The following SDK2 variants were observed in gnomAD, a reference collection of about 807,000 sequenced individuals.
SDK2 encodes the protein protein sidekick-2.
In SDK2, 105 loss-of-function variants were observed where a neutral mutation model predicts 253.9. The observed-to-expected ratio is 0.41, with a 90% CI of 0.35 to 0.49. The LOEUF is 0.49. Among genes scored for constraint, SDK2 ranks in the 20% least tolerant of loss-of-function variants. SDK2 has a pLI of 0.06. For synonymous variants in SDK2, 1,249 were observed against 1,234.9 expected (o/e 1.01, Z -0.24); for missense variants, 2,608 against 3,003.0 (o/e 0.87, Z 3.07).
rs763869312 is a variant in SDK2, at chr17:73,384,010, G to A, written c.4571C>T (p.Pro1524Leu). The change falls in exon 33 of 45, where the codon CCG becomes CTG. Residue 1524 changes from proline to leucine, a missense_variant and splice_region_variant. This residue lies in a region of SDK2 where 1,103 missense variants were observed against 1,143.9 expected (regional missense o/e 0.96). Coordinates refer to ENST00000392650, the MANE Select transcript of SDK2 (RefSeq NM_001144952.2). ...GCCATTGATCTTGTCCTCTGCTGGC[G>A]GCTGCAGGAAGGGAGTAGGGCATGG... Reference protein sequence around the residue: ...TTTSVLIRWQPPAEDKINGIL... With the variant: ...TTTSVLIRWQLPAEDKINGIL... 3.1e-5 allele frequency: 50 copies of A among 1,613,238 alleles called. No individual in the cohort carries two copies. The highest frequency in any genetic ancestry group is 8.9e-5 in the East Asian group (4 of 44,860).
At chr17:73,360,182 C>G (rs988667832) in intron 39 of SDK2, among the ~76,000 whole-genome samples, 6 of 152,184 alleles carry the variant, frequency 3.9e-5, no homozygotes, top group African/African-American at 1.4e-4. Context: ...CAGCGCGGGG[C>G]GGGGCTGGAG....
rs191919870 is a variant in SDK2, at chr17:73,642,581, C to T, written c.64+1444G>A. Among the ~76,000 whole-genome samples, 2 of 152,298 alleles carry T rather than the reference C, an allele frequency of 1.3e-5. No homozygotes were observed. The highest frequency in any genetic ancestry group is 2.9e-5 in the Non-Finnish European group (2 of 68,022). ...TGAGGGAGAGAGGCTCAGAACTCAT[C>T]TGGTTCCAGACCTGCCTCTGCCCCC... On this transcript the variant is annotated intron_variant, in intron 1 of 44. Coordinates refer to ENST00000392650, the MANE Select transcript of SDK2 (RefSeq NM_001144952.2). This position sits in a 1 kb window ranked among gnomAD's most constrained non-coding sequence, Gnocchi z 4.7.
chr17:73,358,256 C>T (rs1306230868), intron 39 of SDK2, 52 bp from the exon 40 acceptor site: 41 of 1,547,314 alleles, frequency 2.6e-5, no homozygotes, highest in Non-Finnish European at 3.5e-5. Context: ...AACAGCCACC[C>T]AGCCCGTCAC....
chr17:73,385,671 G>A (rs919634501), intron 32 of SDK2, among the ~76,000 whole-genome samples, 176 bp downstream of exon 32: 6 of 152,194 alleles, frequency 3.9e-5, no homozygotes, highest in East Asian at 1.9e-4. Context: ...GTGGGCACAC[G>A]GTGTATAGAA....
chr17:73,370,697 A>T lies in SDK2; in HGVS notation c.4981-2104T>A, dbSNP rs547588157. Among the ~76,000 whole-genome samples the T allele has an allele frequency of 1.5e-4, 23 of 152,248 alleles. No homozygotes were observed. In the South Asian group the frequency reaches 4.8e-3, roughly 32 times the overall value. ...CTCAGCCCCCCAGGTAGCTCTGACT[A>T]CATGAGTGCTACCACACCTGGCTAT... On this transcript the variant is annotated intron_variant, in intron 36 of 44. Coordinates refer to ENST00000392650, the MANE Select transcript of SDK2 (RefSeq NM_001144952.2).
Position 73,455,494 on chromosome 17 carries a change from C to T in SDK2, c.479+412G>A, listed in dbSNP as rs546086214. 3.2e-3 allele frequency among the ~76,000 whole-genome samples: 483 copies of T among 152,312 alleles called. 2 individuals are homozygous for T. Among genetic ancestry groups the T allele is most frequent in the African/African-American group, 0.011 (469 of 41,564 alleles). On this transcript the variant is annotated intron_variant, in intron 4 of 44. Transcript: ENST00000392650. The surrounding 1 kb of genome is among the most constrained non-coding windows in gnomAD (Gnocchi z 5.0). ...CACACACCAGTAAACACCCTGCCAA[C>T]GGACGCGCCCAGGGCCTCCCGGCTG...
Position 73,361,242 on chromosome 17 carries a change from GC to G in SDK2, c.5467+441del, listed in dbSNP as rs2062637344. On this transcript the variant is annotated intron_variant, in intron 39 of 44. Coordinates refer to ENST00000392650, the MANE Select transcript of SDK2 (RefSeq NM_001144952.2). This position sits in a 1 kb window ranked among gnomAD's most constrained non-coding sequence, Gnocchi z 4.1. ...ACCCTGGGAACGTGCATTTTAGTGCGCCCTGCTCTGAGAACCGCTGCCTGGA... is the reference window on the plus strand; with the variant it reads ...ACCCTGGGAACGTGCATTTTAGTGCGCCTGCTCTGAGAACCGCTGCCTGGA... Among the ~76,000 whole-genome samples, 1 of 152,144 alleles carries G rather than the reference GC, an allele frequency of 6.6e-6. No homozygotes were observed. The highest frequency in any genetic ancestry group is 2.4e-5 in the African/African-American group (1 of 41,424).
chr17:73,569,269 C>T (rs2045350469), intron 1 of SDK2, among the ~76,000 whole-genome samples: 1 of 151,180 alleles, frequency 6.6e-6, no homozygotes, highest in Admixed American at 6.6e-5. Flanking sequence ...GTCATCTCAG[C>T]TCATTGCAAC....
chr17:73,546,407 G>A (rs950236007), intron 1 of SDK2, among the ~76,000 whole-genome samples: 13 of 152,238 alleles, frequency 8.5e-5, no homozygotes, highest in African/African-American at 3.1e-4. Context: ...CACGGGGCTC[G>A]CTTAAAGAGG....
At chr17:73,546,840 T>C (rs1420367936) in intron 1 of SDK2, among the ~76,000 whole-genome samples, 1 of 152,186 alleles carries the variant, frequency 6.6e-6, no homozygotes, top group Non-Finnish European at 1.5e-5. Context: ...CCACTCAAGT[T>C]ATCAGGGTCT....
In SDK2 at chr17:73,465,610, G is replaced by C. The variant is rs2063591524; in HGVS notation, c.331+6502C>G. 6.6e-6 allele frequency among the ~76,000 whole-genome samples: 1 copy of C among 152,148 alleles called. No individual in the cohort carries two copies. Among genetic ancestry groups the C allele is most frequent in the Non-Finnish European group, 1.5e-5 (1 of 68,022 alleles). On this transcript the variant is annotated intron_variant, in intron 3 of 44. Transcript: ENST00000392650. The surrounding 1 kb of genome is among the most constrained non-coding windows in gnomAD (Gnocchi z 4.2). ...AGTGGGGACAGGAAGGGGCTGGGGA[G>C]GGGGGAAGATGTTTTATTGACTTCC...
In SDK2 at chr17:73,472,100, C is replaced by A. The variant is rs1368963568; in HGVS notation, c.331+12G>T. 6.5e-7 allele frequency: 1 copy of A among 1,545,340 alleles called. No homozygotes were observed. The highest frequency in any genetic ancestry group is 1.2e-5 in the South Asian group (1 of 83,904). On this transcript the variant is annotated intron_variant, in intron 3 of 44. Transcript: ENST00000392650. ...GTCGCCCCCCCTGCCCCTGGGTCCC[C>A]ATTGTACTCACAGGCCACCTGGACC...
At chr17:73,387,672 C>A (rs937959328) in intron 30 of SDK2, among the ~76,000 whole-genome samples, 164 bp downstream of exon 30, 1 of 152,114 alleles carries the variant, frequency 6.6e-6, no homozygotes, top group Non-Finnish European at 1.5e-5. Flanking sequence ...AGCTGATTTG[C>A]GAGGGTGAGA....
chr17:73,389,392 C>T (rs1352118869), intron 29 of SDK2, among the ~76,000 whole-genome samples: 2 of 152,018 alleles, frequency 1.3e-5, no homozygotes, highest in African/African-American at 2.4e-5. Context: ...CCACGTTGGC[C>T]AGGACGGCCT....
At chr17:73,350,527 C>A in intron 42 of SDK2, 123 bp downstream of exon 42, 1 of 1,407,460 alleles carries the variant, frequency 7.1e-7, no homozygotes, top group Non-Finnish European at 9.6e-7. Context: ...CTAGGCTGCC[C>A]CACCCACCAG....
At chr17:73,583,650 G>A (rs1449418753) in intron 1 of SDK2, among the ~76,000 whole-genome samples, 1 of 152,146 alleles carries the variant, frequency 6.6e-6, no homozygotes, top group Non-Finnish European at 1.5e-5. Flanking sequence ...ACAAACCAGC[G>A]AACACTTGGG....
intron 8 of SDK2, among the ~76,000 whole-genome samples, chr17:73,436,590 A>AT (rs1567772138): frequency 8.0e-5 from 10 of 125,608 alleles, no homozygotes; most frequent in African/African-American, 2.9e-4. Flanking sequence ...AAAAAAAAAA[A>AT]AAAAAAAAAA....
At chr17:73,411,998 A>ATG (rs1568389086) in intron 18 of SDK2, among the ~76,000 whole-genome samples, 2 of 126,364 alleles carry the variant, frequency 1.6e-5, no homozygotes, top group African/African-American at 7.0e-5. Flanking sequence ...ATATATATAC[A>ATG]CACATATATA....
chr17:73,382,517 TCA>T (rs1157398710), intron 33 of SDK2, among the ~76,000 whole-genome samples: 3 of 152,320 alleles, frequency 2.0e-5, no homozygotes, highest in Non-Finnish European at 4.4e-5. Flanking sequence ...TGGGAAAACC[TCA>T]GTTTTTTCTT....
Sources: allele counts gnomAD v4.1 joint callset (sites outside exome capture counted in the v4.1 genomes callset), GRCh38; gene constraint gnomAD v4.1.1; regional missense constraint gnomAD v4.1.1; non-coding constraint Gnocchi (gnomAD v3.1); transcripts MANE v1.5; gene names NCBI Gene and HGNC (gene_info 2026-07-23, HGNC 2026-07-21).